The following DMD variants were observed in gnomAD, a reference collection of about 807,000 sequenced individuals.
The protein encoded by DMD is mutant dystrophin.
A neutral mutation model predicts 330.1 loss-of-function variants in DMD; 63 were observed. The ratio of observed to expected loss-of-function variants is 0.19; its 90% CI spans 0.16 to 0.24. The LOEUF is 0.24. Among genes scored for constraint, DMD ranks in the 10% least tolerant of loss-of-function variants. DMD has a pLI of 1.00. For synonymous variants in DMD, 1,223 were observed against 959.8 expected, an observed-to-expected ratio of 1.27 and a Z score of -5.07; for missense variants, 3,344 against 2,684.1, an observed-to-expected ratio of 1.25 and a Z score of -5.43.
intron 11 of DMD, among the ~76,000 whole-genome samples, chrX:32,619,904 C>T (rs1489054160): frequency 9.0e-6 from 1 of 111,450 alleles, no homozygotes; most frequent in African/African-American, 3.3e-5. Flanking sequence ...CAAGAGCTGT[C>T]CAACAGTAGC....
chrX:31,714,390 A>G (rs2148927590), intron 52 of DMD, among the ~76,000 whole-genome samples: 1 of 112,301 alleles, frequency 8.9e-6, no homozygotes, highest in Non-Finnish European at 1.9e-5. Flanking sequence ...TTTTTCAATG[A>G]AATAAGGATC....
chrX:31,803,777 G>A (rs746382142), intron 50 of DMD, among the ~76,000 whole-genome samples: 75 of 109,494 alleles, frequency 6.8e-4, no homozygotes, highest in Middle Eastern at 4.7e-3. Flanking sequence ...TTGGCTCACC[G>A]CAACCTCCAC....
chrX:31,938,038 G>A (rs886748272), intron 45 of DMD, among the ~76,000 whole-genome samples: 1 of 111,332 alleles, frequency 9.0e-6, no homozygotes, highest in Admixed American at 9.6e-5. Context: ...TAATCAGAAA[G>A]GAAGCGCTAC....
intron 1 of DMD, among the ~76,000 whole-genome samples, chrX:33,197,327 A>G (rs757217897): frequency 2.7e-5 from 3 of 112,165 alleles, no homozygotes; most frequent in Non-Finnish European, 5.6e-5. Flanking sequence ...ACCTCTCCCA[A>G]TGTTGATACC....
chrX:31,926,126 G>A (rs1391954700), intron 47 of DMD, among the ~76,000 whole-genome samples: 2 of 109,083 alleles, frequency 1.8e-5, no homozygotes, highest in Admixed American at 9.8e-5. Context: ...GAGATGATCA[G>A]AGAGAGGAAC....
intron 2 of DMD, among the ~76,000 whole-genome samples, chrX:32,948,710 G>T (rs1297490667): frequency 1.8e-5 from 2 of 111,665 alleles, no homozygotes; most frequent in Non-Finnish European, 3.8e-5. Flanking sequence ...GAGAAGCTAA[G>T]GTTTTCATAA....
At chrX:32,885,744 T>A (rs950813392) in intron 2 of DMD, among the ~76,000 whole-genome samples, 1 of 102,685 alleles carries the variant, frequency 9.7e-6, no homozygotes, top group East Asian at 3.0e-4. Flanking sequence ...ACATAAAATG[T>A]AGAAGCGAAA....
At chrX:31,763,935 G>A (rs1362325161) in intron 51 of DMD, among the ~76,000 whole-genome samples, 4 of 110,802 alleles carry the variant, frequency 3.6e-5, no homozygotes, top group Non-Finnish European at 7.6e-5. Flanking sequence ...GAATCCAGTG[G>A]CGCTATCATA....
intron 16 of DMD, among the ~76,000 whole-genome samples, chrX:32,557,946 ATAATT>A (rs977441645): frequency 1.8e-5 from 2 of 110,127 alleles, no homozygotes; most frequent in African/African-American, 6.6e-5. Flanking sequence ...TAATTTAATA[ATAATT>A]TAATTTATAT....
intron 51 of DMD, among the ~76,000 whole-genome samples, chrX:31,760,750 C>T (rs939232546): frequency 2.7e-5 from 3 of 111,342 alleles, no homozygotes; most frequent in African/African-American, 9.8e-5. Flanking sequence ...ATGCCATAAA[C>T]CTATGCATCA....
At chrX:32,832,229 C>CAA (rs1280835635) in intron 4 of DMD, among the ~76,000 whole-genome samples, 1 of 111,230 alleles carries the variant, frequency 9.0e-6, no homozygotes, top group African/African-American at 3.3e-5. Flanking sequence ...TGAAATGGTA[C>CAA]AAACTATTAT....
intron 1 of DMD, among the ~76,000 whole-genome samples, chrX:33,164,562 T>C (rs1378661422): frequency 8.9e-6 from 1 of 112,309 alleles, no homozygotes; most frequent in African/African-American, 3.2e-5. Flanking sequence ...CGTGTGTCTA[T>C]ATTTCAGAGG....
chrX:32,512,660 A>T (rs228326), intron 18 of DMD, among the ~76,000 whole-genome samples: 24,672 of 111,599 alleles, frequency 0.22, 2,109 homozygotes, highest in African/African-American at 0.29. Flanking sequence ...GTAGGCTTTA[A>T]GAGGGCAATA....
At chrX:32,234,198 G>A (rs980857791) in intron 43 of DMD, among the ~76,000 whole-genome samples, 2 of 111,062 alleles carry the variant, frequency 1.8e-5, no homozygotes, top group African/African-American at 6.6e-5. Flanking sequence ...TTTTCGCCTT[G>A]AAAGGAAGGT....
At chrX:31,830,949 A>T in intron 49 of DMD, among the ~76,000 whole-genome samples, 1 of 112,132 alleles carries the variant, frequency 8.9e-6, no homozygotes. Flanking sequence ...CATCTTCTAG[A>T]TAAACACTAA....
intron 55 of DMD, among the ~76,000 whole-genome samples, chrX:31,584,752 G>A (rs181474217): frequency 1.1e-3 from 122 of 111,264 alleles, no homozygotes; most frequent in African/African-American, 4.0e-3. Flanking sequence ...GAGGGGTGAA[G>A]GAGCAGCACC....
chrX:32,509,790 C>T (rs1039029385), intron 18 of DMD, among the ~76,000 whole-genome samples: 4 of 111,810 alleles, frequency 3.6e-5, no homozygotes, highest in Non-Finnish European at 7.5e-5. Flanking sequence ...TTGCAGGTTC[C>T]TAATCATGTC....
chrX:32,764,844 A>G (rs931953627), intron 7 of DMD, among the ~76,000 whole-genome samples: 3 of 110,950 alleles, frequency 2.7e-5, no homozygotes, highest in African/African-American at 9.8e-5. Context: ...TACGTTCTAT[A>G]TTTTGAGAAA....
At chrX:32,928,636 C>A (rs1275085491) in intron 2 of DMD, among the ~76,000 whole-genome samples, 1 of 111,823 alleles carries the variant, frequency 8.9e-6, no homozygotes, top group Non-Finnish European at 1.9e-5. Context: ...AATGATTTGT[C>A]TTCTAAACAG....
Sources: allele counts gnomAD v4.1 joint callset (sites outside exome capture counted in the v4.1 genomes callset), GRCh38; gene constraint gnomAD v4.1.1; transcripts MANE v1.5; gene names NCBI Gene and HGNC (gene_info 2026-07-23, HGNC 2026-07-21).